Variants in FOXP2 observed in about 807,000 individuals in gnomAD.
FOXP2 encodes forkhead box protein P2.
Under a neutral mutation model 115.8 loss-of-function variants are expected in FOXP2, and 12 were observed. The observed-to-expected ratio is 0.10, with a 90% CI of 0.07 to 0.17. FOXP2 has a LOEUF of 0.17. Among genes scored for constraint, FOXP2 ranks in the 10% least tolerant of loss-of-function variants. FOXP2 has a pLI of 1.00. For missense variants in FOXP2, 629 were observed against 843.5 expected (o/e 0.75, Z 3.15); for synonymous variants, 328 against 297.7 (o/e 1.10, Z -1.05).
intron 7 of FOXP2, 116 bp from the exon 8 acceptor site, chr7:114,644,569 A>T: frequency 1.3e-6 from 1 of 794,098 alleles, no homozygotes; most frequent in South Asian, 1.4e-5. Flanking sequence ...GACTGCTCTG[A>T]GCTGAATTGA....
At chr7:114,678,547 C>A (rs372880689) in intron 16 of FOXP2, among the ~76,000 whole-genome samples, 41 of 48,402 alleles carry the variant, frequency 8.5e-4, no homozygotes, top group African/African-American at 2.7e-3. Flanking sequence ...ATAAGTGACT[C>A]TTTTTTTTTT....
chr7:114,173,278 C>T (rs759357899), intron 1 of FOXP2, among the ~76,000 whole-genome samples: 8 of 151,728 alleles, frequency 5.3e-5, no homozygotes, highest in Non-Finnish European at 1.0e-4. Flanking sequence ...CTTTCTTTGA[C>T]GTGAAATTTT....
rs6150298 is a variant in FOXP2, at chr7:114,390,522, G to GTATTTATTTATTTATTTATT, written c.-10-35973_-10-35954dup. On this transcript the variant is annotated intron_variant, in intron 2 of 17. Coordinates refer to the FOXP2 transcript ENST00000634411. ...GGCACCATACTTTTGTTTTATTTAT[G>GTATTTATTTATTTATTTATT]TATTTATTTATTTATTTATTTATTT... Among the ~76,000 whole-genome samples the GTATTTATTTATTTATTTATT allele has an allele frequency of 6.3e-3, 934 of 148,356 alleles. 4 individuals carry two copies. The highest frequency in any genetic ancestry group is 6.7e-3 in the Non-Finnish European group (454 of 67,310).
chr7:114,563,542 A>T (rs1800854209), intron 3 of FOXP2, among the ~76,000 whole-genome samples: 1 of 152,192 alleles, frequency 6.6e-6, no homozygotes, highest in Non-Finnish European at 1.5e-5. Context: ...CACCATCATT[A>T]TATATACAGA....
chr7:114,100,158 T>G (rs1006656132), intron 1 of FOXP2, among the ~76,000 whole-genome samples: 6 of 152,240 alleles, frequency 3.9e-5, no homozygotes, highest in African/African-American at 1.4e-4. Flanking sequence ...AATCAACCAT[T>G]ATTTTTAGCT....
intron 2 of FOXP2, among the ~76,000 whole-genome samples, chr7:114,367,151 T>A (rs1183113662): frequency 6.6e-6 from 1 of 152,062 alleles, no homozygotes; most frequent in Non-Finnish European, 1.5e-5. Flanking sequence ...CTCATATGAG[T>A]TAAAAAGCTC....
At chr7:114,545,978 T>C (rs772133848) in intron 3 of FOXP2, among the ~76,000 whole-genome samples, 8 of 152,214 alleles carry the variant, frequency 5.3e-5, no homozygotes, top group Non-Finnish European at 8.8e-5. Flanking sequence ...CACCGAATCA[T>C]AATTACTATA....
At chr7:114,582,821 T>C (rs576757005) in intron 3 of FOXP2, among the ~76,000 whole-genome samples, 3 of 152,348 alleles carry the variant, frequency 2.0e-5, no homozygotes, top group Non-Finnish European at 4.4e-5. Flanking sequence ...TCTTTTTTAC[T>C]GTATTGTCAG....
chr7:114,272,267 T>C (rs1199880346), intron 1 of FOXP2, among the ~76,000 whole-genome samples: 5 of 151,154 alleles, frequency 3.3e-5, no homozygotes, highest in Non-Finnish European at 7.4e-5. Flanking sequence ...TTTTACACAA[T>C]ATTGGATTTG....
chr7:114,099,996 A>G (rs779969174), intron 1 of FOXP2, among the ~76,000 whole-genome samples: 5 of 152,206 alleles, frequency 3.3e-5, no homozygotes, highest in African/African-American at 4.8e-5. Flanking sequence ...TCTACTGTCT[A>G]TGTATATTCC....
intron 2 of FOXP2, among the ~76,000 whole-genome samples, chr7:114,390,200 T>A (rs1467262695): frequency 6.6e-6 from 1 of 152,106 alleles, no homozygotes; most frequent in African/African-American, 2.4e-5. Context: ...ATATAACTAC[T>A]GGGGATAAAG....
chr7:114,375,253 G>C (rs1476479510), intron 2 of FOXP2, among the ~76,000 whole-genome samples: 1 of 152,140 alleles, frequency 6.6e-6, no homozygotes, highest in Non-Finnish European at 1.5e-5. Context: ...CAAAATGTAT[G>C]TTTTCCTACA....
intron 1 of FOXP2, among the ~76,000 whole-genome samples, chr7:114,237,863 T>A (rs909328431): frequency 6.6e-6 from 1 of 152,030 alleles, no homozygotes; most frequent in African/African-American, 2.4e-5. Flanking sequence ...TGGTGCAAGC[T>A]GCCCCAGAGA....
chr7:114,243,064 A>G (rs1052619140), intron 1 of FOXP2, among the ~76,000 whole-genome samples: 3 of 152,096 alleles, frequency 2.0e-5, no homozygotes, highest in African/African-American at 7.2e-5. Context: ...TCATTTTTAT[A>G]TGTATCCATA....
At chr7:114,399,626 T>C (rs1399475277) in intron 2 of FOXP2, among the ~76,000 whole-genome samples, 3 of 152,130 alleles carry the variant, frequency 2.0e-5, no homozygotes, top group Non-Finnish European at 4.4e-5. Context: ...GACACATTCA[T>C]GAACCAAAAG....
At chr7:114,399,279 TGTA>T (rs1792819402) in intron 2 of FOXP2, among the ~76,000 whole-genome samples, 2 of 152,098 alleles carry the variant, frequency 1.3e-5, no homozygotes, top group South Asian at 4.1e-4. Flanking sequence ...GGCTAACTTT[TGTA>T]TTTTCTGTAG....
chr7:114,434,390 G>A (rs1018347211), intron 2 of FOXP2, among the ~76,000 whole-genome samples: 3 of 137,716 alleles, frequency 2.2e-5, no homozygotes, highest in Admixed American at 1.5e-4. Flanking sequence ...ATTTTCAATA[G>A]TCCATTCATA....
chr7:114,611,042 T>A (rs7795566), intron 3 of FOXP2, among the ~76,000 whole-genome samples: 19,825 of 152,208 alleles, frequency 0.13, 1,566 homozygotes, highest in African/African-American at 0.22. Flanking sequence ...GTGTAAGACA[T>A]AAGAAATATT....
At chr7:114,522,866 C>A (rs915200021) in intron 2 of FOXP2, among the ~76,000 whole-genome samples, 2 of 151,934 alleles carry the variant, frequency 1.3e-5, no homozygotes, top group African/African-American at 2.4e-5. Context: ...TGAGTTTGCC[C>A]AAGATCTGTA....
Sources: gnomAD v4.1 joint callset for allele counts (sites outside exome capture counted in the v4.1 genomes callset) on GRCh38, gnomAD v4.1.1 for gene constraint, MANE v1.5 for transcripts, NCBI Gene and HGNC (gene_info 2026-07-23, HGNC 2026-07-21) for gene names.